The following RYR3 variants were observed in gnomAD, a reference collection of about 807,000 sequenced individuals.
The protein encoded by RYR3 is ryanodine receptor 3, also known as brain ryanodine receptor-calcium release channel.
A neutral mutation model predicts 584.3 loss-of-function variants in RYR3; 207 were observed. The ratio of observed to expected loss-of-function variants is 0.35; its 90% confidence interval spans 0.32 to 0.40. RYR3 has a LOEUF of 0.40. RYR3 is among the 10% of genes least tolerant of loss of function. The pLI is 1.00. For missense variants in RYR3, 5,616 were observed against 6,089.2 expected (o/e 0.92, Z 2.59); for synonymous variants, 2,416 against 2,248.5 (o/e 1.07, Z -2.11).
intron 1 of RYR3, among the ~76,000 whole-genome samples, chr15:33,404,059 A>G (rs1364024529): frequency 6.6e-6 from 1 of 152,236 alleles, no homozygotes; most frequent in African/African-American, 2.4e-5. Flanking sequence ...CTGTTCTTTC[A>G]GAAGTGTTTT....
intron 10 of RYR3, among the ~76,000 whole-genome samples, chr15:33,560,164 G>A (rs2057323475): frequency 6.6e-6 from 1 of 152,176 alleles, no homozygotes; most frequent in Admixed American, 6.5e-5. Context: ...AATCACCAAT[G>A]TGCTGTCAAT....
intron 1 of RYR3, among the ~76,000 whole-genome samples, chr15:33,325,491 T>TA (rs1264939611): frequency 6.6e-6 from 1 of 152,230 alleles, no homozygotes; most frequent in African/African-American, 2.4e-5. Flanking sequence ...ACTTTTATAT[T>TA]ACTCCTGTTT....
At chr15:33,314,716 C>T (rs1220976159) in intron 1 of RYR3, among the ~76,000 whole-genome samples, 1 of 151,688 alleles carries the variant, frequency 6.6e-6, no homozygotes, top group African/African-American at 2.4e-5. Context: ...AGATCGAGAC[C>T]ATCCTGGCTA....
intron 1 of RYR3, among the ~76,000 whole-genome samples, chr15:33,376,430 G>A (rs1354445283): frequency 6.6e-6 from 1 of 152,176 alleles, no homozygotes; most frequent in East Asian, 1.9e-4. Context: ...CAGACATTCA[G>A]AAATAAGTCC....
chr15:33,671,648 C>A (rs1001622189), intron 38 of RYR3, among the ~76,000 whole-genome samples: 2 of 151,980 alleles, frequency 1.3e-5, no homozygotes, highest in African/African-American at 4.8e-5. Flanking sequence ...TGAGGATGTG[C>A]CAGCAGCACT....
At chr15:33,641,613 T>G (rs891506631) in intron 27 of RYR3, among the ~76,000 whole-genome samples, 6 of 152,210 alleles carry the variant, frequency 3.9e-5, no homozygotes, top group African/African-American at 1.4e-4. Flanking sequence ...TGGTGCTTAA[T>G]GAGAATTAAT....
chr15:33,464,601 A>G (rs967863480), intron 1 of RYR3, among the ~76,000 whole-genome samples: 3 of 149,540 alleles, frequency 2.0e-5, no homozygotes, highest in Non-Finnish European at 3.0e-5. Context: ...TGCATTTCCT[A>G]TATAATATAA....
intron 1 of RYR3, among the ~76,000 whole-genome samples, chr15:33,385,141 G>C (rs1051400826): frequency 1.3e-5 from 2 of 152,134 alleles, no homozygotes; most frequent in Non-Finnish European, 2.9e-5. Context: ...CTACATTAAA[G>C]GGTTATTTTC....
chr15:33,665,565 G>A lies in RYR3; in HGVS notation c.5619+1828G>A, dbSNP rs189144499. ...GGGTTGCCCACCCAACACTGTCCTCGTGGATATAGCTGCTCATGGTTCCAC... is the reference window on the plus strand; with the variant it reads ...GGGTTGCCCACCCAACACTGTCCTCATGGATATAGCTGCTCATGGTTCCAC... On this transcript the variant is annotated intron_variant, in intron 36 of 103. Transcript: ENST00000634891. 5.9e-5 allele frequency among the ~76,000 whole-genome samples: 9 copies of A among 152,308 alleles called. No homozygotes were observed. The East Asian group carries it at 1.4e-3, about 23-fold the overall frequency.
chr15:33,687,309 C>G (rs148217915), intron 38 of RYR3, among the ~76,000 whole-genome samples: 1 of 152,140 alleles, frequency 6.6e-6, no homozygotes, highest in African/African-American at 2.4e-5. Flanking sequence ...AACTCCCATT[C>G]GCAATTGCTA....
chr15:33,858,287 C>G, intron 99 of RYR3: 1 of 186,014 alleles, frequency 5.4e-6, no homozygotes, highest in South Asian at 1.2e-4. Flanking sequence ...TCATTGCAAC[C>G]TCCGCCTCTC....
intron 7 of RYR3, among the ~76,000 whole-genome samples, chr15:33,542,609 G>A (rs1160242502): frequency 6.6e-6 from 1 of 152,082 alleles, no homozygotes; most frequent in Non-Finnish European, 1.5e-5. Context: ...GACTGTCACT[G>A]TACAAAATTC....
Position 33,854,562 on chromosome 15 carries a change from A to AT in RYR3, c.13860+113_13860+114insT. On this transcript the variant is annotated intron_variant, in intron 97 of 103. Coordinates refer to ENST00000634891, the MANE Select transcript of RYR3 (RefSeq NM_001036.6). ...TTCAGGGATTGCTTATCAAAGACCA[A>AT]GAGCCTTATACGTGCTGGGGGAACA... 3 of 1,074,906 alleles carry AT rather than the reference A, an allele frequency of 2.8e-6. 1 individual carries two copies. In the South Asian group the frequency reaches 4.8e-5, roughly 17 times the overall value. 66.6% of individuals were successfully genotyped at this position (1,074,906 alleles called of 1,614,324 possible).
At chr15:33,468,353 T>C (rs1298426665) in intron 1 of RYR3, among the ~76,000 whole-genome samples, 1 of 152,196 alleles carries the variant, frequency 6.6e-6, no homozygotes, top group Admixed American at 6.5e-5. Context: ...TGAAGGCTAA[T>C]TTAATCTAGG....
At chr15:33,398,785 G>A (rs147318876) in intron 1 of RYR3, among the ~76,000 whole-genome samples, 84 of 152,274 alleles carry the variant, frequency 5.5e-4, no homozygotes, top group African/African-American at 1.9e-3. Flanking sequence ...GTGCAGAGCC[G>A]AGCTGCGTTC....
intron 88 of RYR3, among the ~76,000 whole-genome samples, chr15:33,837,414 G>A (rs974080470): frequency 2.0e-5 from 3 of 152,108 alleles, no homozygotes; most frequent in African/African-American, 7.2e-5. Flanking sequence ...CATGTTAAAG[G>A]CAGTGGTGTG....
chr15:33,678,856 T>C (rs2064373888), intron 38 of RYR3, among the ~76,000 whole-genome samples: 1 of 152,208 alleles, frequency 6.6e-6, no homozygotes, highest in East Asian at 1.9e-4. Flanking sequence ...TCACAGGTTT[T>C]TCCTTTGACT....
At chr15:33,711,906 C>G (rs2067148485) in intron 43 of RYR3, among the ~76,000 whole-genome samples, 1 of 152,146 alleles carries the variant, frequency 6.6e-6, no homozygotes, top group Non-Finnish European at 1.5e-5. Flanking sequence ...ATAGCAATAC[C>G]CCAATCTTTG....
At chr15:33,570,545 A>T (rs2152496756) in intron 12 of RYR3, among the ~76,000 whole-genome samples, 1 of 152,140 alleles carries the variant, frequency 6.6e-6, no homozygotes, top group African/African-American at 2.4e-5. Flanking sequence ...TCTTTGCAAA[A>T]TTTATTTTGG....
Sources: allele counts gnomAD v4.1 joint callset (sites outside exome capture counted in the v4.1 genomes callset), GRCh38; gene constraint gnomAD v4.1.1; transcripts MANE v1.5; gene names NCBI Gene and HGNC (gene_info 2026-07-23, HGNC 2026-07-21).